Variants in RPGRIP1L observed in about 807,000 individuals in gnomAD.
RPGRIP1L encodes protein fantom.
A neutral mutation model predicts 160.4 loss-of-function variants in RPGRIP1L; 131 were observed. That is an observed-to-expected ratio of 0.82 (90% CI 0.71 to 0.94). The LOEUF is 0.94. Ranked by LOEUF, RPGRIP1L falls within the 40% of genes least tolerant of loss-of-function variation. The pLI is 0.00. For synonymous variants in RPGRIP1L, 510 were observed against 515.8 expected, an observed-to-expected ratio of 0.99 and a Z score of 0.15; for missense variants, 1,522 against 1,535.8, an observed-to-expected ratio of 0.99 and a Z score of 0.15.
intron 10 of RPGRIP1L, among the ~76,000 whole-genome samples, chr16:53,663,123 G>A (rs1052682276): frequency 4.3e-4 from 65 of 151,844 alleles, no homozygotes; most frequent in Non-Finnish European, 1.3e-4. Context: ...TTTGTGGGTT[G>A]TGGGATTGAT....
At chr16:53,669,276 T>C (rs1968521416) in intron 9 of RPGRIP1L, among the ~76,000 whole-genome samples, 2 of 152,154 alleles carry the variant, frequency 1.3e-5, no homozygotes, top group Admixed American at 6.5e-5. Flanking sequence ...CTGTTGACTA[T>C]TATGTGTGTT....
Position 53,611,075 on chromosome 16 carries a change from C to A in RPGRIP1L, c.3617-24G>T, listed in dbSNP as rs765383533. On this transcript the variant is annotated intron_variant, in intron 24 of 26. Coordinates refer to ENST00000647211, the MANE Select transcript of RPGRIP1L (RefSeq NM_015272.5). Reference sequence around the variant, plus strand: ...CACTATACCAAAAGAAAAAAAAATGCCAAAAAGGAAGTCACTCAGGAATAG... The same window carrying A: ...CACTATACCAAAAGAAAAAAAAATGACAAAAAGGAAGTCACTCAGGAATAG... 3.3e-6 allele frequency: 5 copies of A among 1,536,002 alleles called. No homozygotes were observed. The Admixed American group carries it at 8.4e-5, about 26-fold the overall frequency.
intron 2 of RPGRIP1L, 139 bp from the exon 3 acceptor site, chr16:53,696,434 T>A (rs1970763866): frequency 2.5e-6 from 2 of 813,572 alleles, no homozygotes; most frequent in East Asian, 2.6e-5. Flanking sequence ...TTAGAAAATG[T>A]TGTACCATTG....
intron 11 of RPGRIP1L, 63 bp from the exon 12 acceptor site, chr16:53,658,527 A>C: frequency 7.7e-7 from 1 of 1,293,528 alleles, no homozygotes; most frequent in Non-Finnish European, 1.1e-6. Flanking sequence ...AGACATTCCA[A>C]GTATTCAAAT....
chr16:53,675,593 A>C (rs995194473), intron 6 of RPGRIP1L, among the ~76,000 whole-genome samples: 1 of 152,152 alleles, frequency 6.6e-6, no homozygotes, highest in Non-Finnish European at 1.5e-5. Flanking sequence ...TGGCATCATA[A>C]GATTACCATT....
At chr16:53,643,306 T>TAAA (rs77427391) in intron 17 of RPGRIP1L, among the ~76,000 whole-genome samples, 4 of 111,398 alleles carry the variant, frequency 3.6e-5, no homozygotes, top group Non-Finnish European at 5.8e-5. Context: ...AGACTCCATC[T>TAAA]AAAAAAAAAA....
At position 53,692,150 on chromosome 16, in the gene RPGRIP1L, G is replaced by C; in HGVS notation, c.445C>G (p.Pro149Ala). 2 of 1,613,856 alleles carry C rather than the reference G, an allele frequency of 1.2e-6. No individual in the cohort carries two copies. Among genetic ancestry groups the C allele is most frequent in the Non-Finnish European group, 1.7e-6 (2 of 1,179,944 alleles). The change falls in exon 4 of 27, where the codon CCA becomes GCA. Residue 149 changes from proline to alanine, a missense_variant. By Grantham distance (27) the Pro-to-Ala change is conservative (BLOSUM62 -1). Transcript: ENST00000647211. ...ATACGAGATTGTACATTATTGTATG[G>C]AGTTTGCCTGTAACCCTGGGTTTGA... Reference protein sequence around the residue: ...QLQTQGYRQTPYNNVQSRINT... With the variant: ...QLQTQGYRQTAYNNVQSRINT...
Position 53,687,964 on chromosome 16 carries a change from ACC to A in RPGRIP1L, c.530-1_530del. ...CTACATCTGCATCTTGGAATTTTAT[ACC>A]TAAAAACAAAGTAATAAAATATGAT... is the stretch of plus-strand genomic sequence containing the variant. On this transcript the variant is annotated splice_acceptor_variant and coding_sequence_variant, in exon 5 of 27. Coordinates refer to ENST00000647211, the MANE Select transcript of RPGRIP1L (RefSeq NM_015272.5). LOFTEE classifies it high-confidence loss of function. 1 of 1,556,492 alleles carries A rather than the reference ACC, an allele frequency of 6.4e-7. No homozygotes were observed. Among genetic ancestry groups the A allele is most frequent in the Non-Finnish European group, 8.9e-7 (1 of 1,128,400 alleles).
chr16:53,683,062 C>T (rs920905461), intron 6 of RPGRIP1L, among the ~76,000 whole-genome samples: 3 of 151,840 alleles, frequency 2.0e-5, no homozygotes, highest in Non-Finnish European at 4.4e-5. Flanking sequence ...AAATATAAAG[C>T]TTCTTATATA....
intron 22 of RPGRIP1L, among the ~76,000 whole-genome samples, chr16:53,634,672 C>G (rs1402392345): frequency 6.7e-6 from 1 of 149,944 alleles, no homozygotes; most frequent in Admixed American, 6.6e-5. Flanking sequence ...TCCTTCCTCT[C>G]TTGCCATGTG....
rs1218481982 is a variant in RPGRIP1L at position 53,657,866 on chromosome 16, TTA to T, written c.1402-236_1402-235del. Among the ~76,000 whole-genome samples the T allele has an allele frequency of 2.0e-5, 3 of 152,220 alleles. No individual in the cohort carries two copies. The East Asian group carries it at 5.8e-4, about 29-fold the overall frequency. On this transcript the variant is annotated intron_variant, in intron 12 of 26. Transcript: ENST00000647211. ...ATATTTGGATAGACAATTGGAACAGTTATAGAGAAATCAAAAAATAGTTACTT... is the reference window on the plus strand; with the variant it reads ...ATATTTGGATAGACAATTGGAACAGTTAGAGAAATCAAAAAATAGTTACTT...
chr16:53,661,034 G>A (rs1297435593), intron 10 of RPGRIP1L, among the ~76,000 whole-genome samples: 1 of 151,778 alleles, frequency 6.6e-6, no homozygotes, highest in South Asian at 2.1e-4. Flanking sequence ...GATGGCTCAC[G>A]CCTGTAATCC....
intron 13 of RPGRIP1L, among the ~76,000 whole-genome samples, chr16:53,656,977 C>G (rs1967308812): frequency 2.0e-5 from 3 of 152,092 alleles, no homozygotes; most frequent in Admixed American, 2.0e-4. Flanking sequence ...CATGGTGGCT[C>G]AGGCCTGTAA....
At chr16:53,675,503 G>A (rs1283222526) in intron 6 of RPGRIP1L, among the ~76,000 whole-genome samples, 2 of 151,976 alleles carry the variant, frequency 1.3e-5, no homozygotes, top group Non-Finnish European at 2.9e-5. Flanking sequence ...TTATTTTAAG[G>A]AGGACTATCA....
rs972322766 is a variant in RPGRIP1L at position 53,599,897 on chromosome 16, G to C, written c.*2179C>G. The C allele has an allele frequency of 2.0e-5, 3 of 152,182 alleles. No individual in the cohort carries two copies. The highest frequency in any genetic ancestry group is 4.4e-5 in the Non-Finnish European group (3 of 68,036). 9.4% of individuals were successfully genotyped at this position (152,182 alleles called of 1,614,324 possible). On this transcript the variant is annotated 3_prime_UTR_variant, in exon 27 of 27. Coordinates refer to ENST00000647211, the MANE Select transcript of RPGRIP1L (RefSeq NM_015272.5). ...GTGTTGTGAAAATTCGCAATAGTTT[G>C]AAACTGAATATTTTAAAACTAGATA... is the stretch of plus-strand genomic sequence containing the variant.
At chr16:53,654,318 T>C (rs998667482) in intron 14 of RPGRIP1L, among the ~76,000 whole-genome samples, 6 of 152,206 alleles carry the variant, frequency 3.9e-5, no homozygotes, top group African/African-American at 1.4e-4. Flanking sequence ...TCCTCCTTTT[T>C]TTGACTTTCC....
rs1226766919 is a variant in RPGRIP1L at position 53,598,975 on chromosome 16, G to A, written c.*3101C>T. 1 of 152,012 alleles carries A rather than the reference G, an allele frequency of 6.6e-6. No homozygotes were observed. Among genetic ancestry groups the A allele is most frequent in the Non-Finnish European group, 1.5e-5 (1 of 68,028 alleles). The allele number at this position is 152,012 out of a possible 1,614,324, so 9.4% of individuals were successfully genotyped here. A position where few individuals can be genotyped will look rare whatever the true frequency, so the allele number is the denominator to read the frequency against. On this transcript the variant is annotated 3_prime_UTR_variant, in exon 27 of 27. Transcript: ENST00000647211. ...GGAAATCATTCTACATTCAGCAATA[G>A]TGCCAGTTTGACTAAAAAAAAAATT...
chr16:53,688,822 C>T (rs912839701), intron 4 of RPGRIP1L, among the ~76,000 whole-genome samples: 1 of 151,934 alleles, frequency 6.6e-6, no homozygotes, highest in Non-Finnish European at 1.5e-5. Context: ...GGAACTATTA[C>T]TCGCTCTTTC....
At chr16:53,647,833 C>T (rs1354106374) in intron 16 of RPGRIP1L, among the ~76,000 whole-genome samples, 1 of 152,064 alleles carries the variant, frequency 6.6e-6, no homozygotes, top group Non-Finnish European at 1.5e-5. Flanking sequence ...AGACTGGCTG[C>T]GGTGGCTCAT....
Sources: gnomAD v4.1 joint callset for allele counts (sites outside exome capture counted in the v4.1 genomes callset) on GRCh38, gnomAD v4.1.1 for gene constraint, MANE v1.5 for transcripts, NCBI Gene and HGNC (gene_info 2026-07-23, HGNC 2026-07-21) for gene names.